The following SLC28A1 variants were observed in gnomAD, a reference collection of about 807,000 sequenced individuals.
The protein encoded by SLC28A1 is sodium/nucleoside cotransporter 1.
A neutral mutation model predicts 74.8 loss-of-function variants in SLC28A1; 64 were observed. That is an observed-to-expected ratio of 0.86 (90% CI 0.70 to 1.05). SLC28A1 has a LOEUF of 1.05. Among genes scored for constraint, SLC28A1 ranks in the 50% least tolerant of loss-of-function variants. The probability of loss-of-function intolerance (pLI) is 0.00; values close to 1 mark genes in which losing one functional copy is unlikely to be tolerated. For missense variants in SLC28A1, 828 were observed against 822.8 expected, an observed-to-expected ratio of 1.01 and a Z score of -0.08; for synonymous variants, 359 against 335.0, an observed-to-expected ratio of 1.07 and a Z score of -0.78.
intron 15 of SLC28A1, among the ~76,000 whole-genome samples, chr15:84,940,173 G>A (rs1567187812): frequency 6.6e-6 from 1 of 152,170 alleles, no homozygotes; most frequent in Non-Finnish European, 1.5e-5. Context: ...TGTGTAAGCT[G>A]CATCAGAGAC....
chr15:84,954,223 T>C, the SLC28A1 span, among the ~76,000 whole-genome samples: 1 of 152,168 alleles, frequency 6.6e-6, no homozygotes, highest in Non-Finnish European at 1.5e-5. Flanking sequence ...GTGGCCTGGC[T>C]CTTCTGCCCA....
At chr15:84,910,589 G>A (rs1411179823) in intron 9 of SLC28A1, among the ~76,000 whole-genome samples, 4 of 152,184 alleles carry the variant, frequency 2.6e-5, no homozygotes, top group Non-Finnish European at 5.9e-5. Context: ...TTAGCCAAGT[G>A]TGGTGGTGCA....
intron 9 of SLC28A1, among the ~76,000 whole-genome samples, chr15:84,916,718 T>C (rs1433750612): frequency 1.3e-5 from 2 of 152,118 alleles, no homozygotes; most frequent in Non-Finnish European, 2.9e-5. Context: ...TTGAGAAATG[T>C]CCACCTATTA....
downstream of SLC28A1, among the ~76,000 whole-genome samples, chr15:84,948,506 G>T (rs577197533): frequency 6.6e-6 from 1 of 152,216 alleles, no homozygotes; most frequent in East Asian, 1.9e-4. Flanking sequence ...CTTGCCAATG[G>T]CCTTTTGGAT....
chr15:84,895,420 C>T, intron 6 of SLC28A1: 1 of 1,614,010 alleles, frequency 6.2e-7, no homozygotes, highest in Non-Finnish European at 8.5e-7. Flanking sequence ...ATCAGTACCT[C>T]CCTCAGATCA....
chr15:84,967,695 G>T, the SLC28A1 span, among the ~76,000 whole-genome samples: 1 of 152,130 alleles, frequency 6.6e-6, no homozygotes, highest in Non-Finnish European at 1.5e-5. Context: ...ACCTCTCTGG[G>T]GGCCATCACC....
chr15:84,898,421 A>T (rs1440902435), intron 6 of SLC28A1, among the ~76,000 whole-genome samples: 1 of 152,126 alleles, frequency 6.6e-6, no homozygotes, highest in African/African-American at 2.4e-5. Flanking sequence ...TACTAAAAAT[A>T]CAAAAAAATT....
chr15:84,953,920 C>T, the SLC28A1 span, among the ~76,000 whole-genome samples: 1 of 152,096 alleles, frequency 6.6e-6, no homozygotes, highest in Admixed American at 6.6e-5. Flanking sequence ...GGTGTAGCTG[C>T]AGGCAGCTGG....
chr15:84,918,961 C>G (rs527998753), intron 10 of SLC28A1, among the ~76,000 whole-genome samples: 3 of 150,832 alleles, frequency 2.0e-5, no homozygotes, highest in Non-Finnish European at 4.4e-5. Flanking sequence ...GAGGCCCATA[C>G]CTTCCCTGAA....
rs1466429896 is a variant in SLC28A1 at position 84,933,391 on chromosome 15, C to T, written c.1214+116C>T. ...CTTCCACTAGCCTGGGCCCATCTCT[C>T]CACTTTTCCTGCTCTGGTTTGGGCT... On this transcript the variant is annotated intron_variant, in intron 13 of 18. Transcript: ENST00000394573. 2.3e-6 allele frequency: 3 copies of T among 1,287,136 alleles called. No individual in the cohort carries two copies. The Admixed American group carries it at 6.0e-5, about 26-fold the overall frequency. 79.7% of individuals were successfully genotyped at this position (1,287,136 alleles called of 1,614,324 possible).
rs71135328 is a variant in SLC28A1, at chr15:84,908,178, C to CTTTTTTT, written c.718-523_718-517dup. On this transcript the variant is annotated intron_variant, in intron 8 of 18. Coordinates refer to ENST00000394573, the MANE Select transcript of SLC28A1 (RefSeq NM_004213.5). ...TGTCCTAATAACTCCCAGAGCATTT[C>CTTTTTTT]TTTTTTTTTTTTTTTTTTTTTTTGA... Among the ~76,000 whole-genome samples the CTTTTTTT allele has an allele frequency of 7.9e-3, 725 of 91,306 alleles. 72 individuals carry two copies. The highest frequency in any genetic ancestry group is 0.025 in the African/African-American group (530 of 20,920). 59.9% of individuals were successfully genotyped at this position (91,306 alleles called of 152,430 possible).
chr15:84,964,745 A>G, the SLC28A1 span, among the ~76,000 whole-genome samples: 1 of 152,226 alleles, frequency 6.6e-6, no homozygotes, highest in African/African-American at 2.4e-5. Flanking sequence ...CATGACTAGT[A>G]GAAAAGGCTT....
rs567781843 is a variant in SLC28A1 at position 84,942,365 on chromosome 15, A to G, written c.1582-1080A>G. 2.0e-5 allele frequency among the ~76,000 whole-genome samples: 3 copies of G among 152,362 alleles called. No individual in the cohort carries two copies. In the East Asian group the frequency reaches 5.8e-4, roughly 29 times the overall value. On this transcript the variant is annotated intron_variant, in intron 15 of 18. Transcript: ENST00000394573. ...TAGTCACCCTGTTGTGCTATAAAAT[A>G]TTAGCTCTTATTCATTTATTCTAAC...
chr15:84,906,911 TTTTA>T (rs1325841648), intron 8 of SLC28A1, among the ~76,000 whole-genome samples: 16 of 152,336 alleles, frequency 1.1e-4, no homozygotes, highest in African/African-American at 3.8e-4. Flanking sequence ...CTTAATTGGC[TTTTA>T]TTTGTGATTT....
intron 10 of SLC28A1, among the ~76,000 whole-genome samples, chr15:84,920,371 G>A (rs1203112920): frequency 6.6e-6 from 1 of 151,594 alleles, no homozygotes; most frequent in Non-Finnish European, 1.5e-5. Context: ...GCTTGAACCT[G>A]GGAGGCAGAG....
At chr15:84,897,621 GTCTT>G (rs141170432) in intron 6 of SLC28A1, among the ~76,000 whole-genome samples, 34,410 of 151,954 alleles carry the variant, frequency 0.23, 4,549 homozygotes, top group South Asian at 0.49. Flanking sequence ...TTAAATATTT[GTCTT>G]TCTTTATGTT....
intron 6 of SLC28A1, among the ~76,000 whole-genome samples, chr15:84,902,523 C>T (rs540513849): frequency 7.9e-5 from 12 of 151,270 alleles, no homozygotes; most frequent in African/African-American, 1.5e-4. Context: ...GAAAACATAT[C>T]AACTGTTACC....
downstream of SLC28A1, among the ~76,000 whole-genome samples, chr15:84,947,440 T>C (rs1337202249): frequency 6.6e-6 from 1 of 152,250 alleles, no homozygotes; most frequent in Non-Finnish European, 1.5e-5. Flanking sequence ...ACGCTCATTC[T>C]GTGGCCAGTG....
the SLC28A1 span, among the ~76,000 whole-genome samples, chr15:84,955,731 G>T: frequency 6.6e-6 from 1 of 152,188 alleles, no homozygotes; most frequent in Non-Finnish European, 1.5e-5. Context: ...CTCTGAAGGA[G>T]GATAGAATCT....
Sources: allele counts gnomAD v4.1 joint callset (sites outside exome capture counted in the v4.1 genomes callset), GRCh38; gene constraint gnomAD v4.1.1; transcripts MANE v1.5; gene names NCBI Gene and HGNC (gene_info 2026-07-23, HGNC 2026-07-21).